The following ZNF398 variants were observed in gnomAD, a reference collection of about 807,000 sequenced individuals.
The protein encoded by ZNF398 is zinc finger DNA binding protein ZER6.
Under a neutral mutation model 41.9 loss-of-function variants are expected in ZNF398, and 18 were observed. The ratio of observed to expected loss-of-function variants is 0.43; its 90% CI spans 0.30 to 0.64. ZNF398 has a LOEUF of 0.64. Among genes scored for constraint, ZNF398 ranks in the 30% least tolerant of loss-of-function variants. ZNF398 has a pLI of 0.14. For missense variants in ZNF398, 669 were observed against 822.8 expected (o/e 0.81, Z 2.29); for synonymous variants, 260 against 308.8 (o/e 0.84, Z 1.66).
At chr7:149,145,311 C>G (rs34201592), upstream of ZNF398, among the ~76,000 whole-genome samples, 88,537 of 152,022 alleles carry the variant, frequency 0.58, 27,386 homozygotes, top group East Asian at 0.9. Flanking sequence ...CAACAGGGTT[C>G]ACAAAAATTG....
At position 149,179,774 on chromosome 7, in the gene ZNF398, G is replaced by A; in HGVS notation, c.1902G>A (p.Gly634=). ...TEGLETNQWY[G]EGSGGGVL is the part of the protein sequence containing the mutation. The stretch of plus-strand genomic sequence containing the variant: ...GTCTAGAGACCAACCAGTGGTATGG[G>A]GAAGGGAGTGGAGGGGGAGTTTTGT... Residue 634 remains glycine (G), a synonymous_variant, in exon 6 of 6, where the codon GGG becomes GGA. Transcript: ENST00000475153. This position sits in a 1 kb window ranked among gnomAD's most constrained non-coding sequence, Gnocchi z 6.1. 2 of 1,594,120 alleles carry A rather than the reference G, an allele frequency of 1.3e-6. No homozygotes were observed. The highest frequency in any genetic ancestry group is 2.7e-5 in the African/African-American group (2 of 74,588).
chr7:149,170,649 T>C (rs1283530650), intron 4 of ZNF398, among the ~76,000 whole-genome samples: 1 of 151,730 alleles, frequency 6.6e-6, no homozygotes, highest in African/African-American at 2.4e-5. Context: ...GCAGGAGAAT[T>C]GCTTGAACCC....
chr7:149,142,346 G>A (rs987079677), intron 2 of ZNF398, among the ~76,000 whole-genome samples: 5 of 152,122 alleles, frequency 3.3e-5, no homozygotes, highest in Non-Finnish European at 7.3e-5. Flanking sequence ...ATCTGTATAT[G>A]TACCAGATAC....
chr7:149,143,748 G>C (rs756035361), upstream of ZNF398, among the ~76,000 whole-genome samples: 8 of 152,106 alleles, frequency 5.3e-5, no homozygotes, highest in Non-Finnish European at 7.3e-5. Flanking sequence ...GGAGGCAGAG[G>C]TTCCAGTGAG....
At chr7:149,159,963 T>C (rs1402041921) in intron 2 of ZNF398, among the ~76,000 whole-genome samples, 1 of 152,058 alleles carries the variant, frequency 6.6e-6, no homozygotes, top group Non-Finnish European at 1.5e-5. Context: ...TGACCTCAAG[T>C]GATCCTTCTT....
chr7:149,136,330 C>T (rs138565837), intron 2 of ZNF398, among the ~76,000 whole-genome samples: 126 of 151,952 alleles, frequency 8.3e-4, no homozygotes, highest in Non-Finnish European at 1.5e-3. Context: ...CGAGCAGAGG[C>T]ACTCCTCACT....
upstream of ZNF398, among the ~76,000 whole-genome samples, chr7:149,145,156 A>G (rs1056373147): frequency 6.6e-6 from 1 of 152,174 alleles, no homozygotes; most frequent in African/African-American, 2.4e-5. Flanking sequence ...TGATTTACAG[A>G]TAGTTATACT....
chr7:149,152,989 T>C (rs936599090), intron 1 of ZNF398, among the ~76,000 whole-genome samples: 1 of 151,550 alleles, frequency 6.6e-6, no homozygotes, highest in Admixed American at 6.6e-5. Flanking sequence ...GCCTCCCGAG[T>C]AGCTGGTGTT....
At chr7:149,147,331 T>TGG (rs147377556), upstream of ZNF398, 16 of 152,230 alleles carry the variant, frequency 1.1e-4, no homozygotes, top group African/African-American at 3.6e-4. This position sits in a 1 kb window ranked among gnomAD's most constrained non-coding sequence, Gnocchi z 5.6. Context: ...GCCCAAGAGC[T>TGG]GGGGGGGAGG....
intron 2 of ZNF398, among the ~76,000 whole-genome samples, chr7:149,133,045 T>A (rs1463862039): frequency 6.6e-6 from 1 of 152,008 alleles, no homozygotes; most frequent in Non-Finnish European, 1.5e-5. Context: ...CAACCAGAGG[T>A]CACTCTGATT....
chr7:149,168,558 C>T (rs1047760078), intron 4 of ZNF398, among the ~76,000 whole-genome samples: 1 of 147,928 alleles, frequency 6.8e-6, no homozygotes, highest in African/African-American at 2.6e-5. Context: ...ACACATCTGC[C>T]TCACATTTAT....
At chr7:149,177,828 A>G (rs1795493207) in intron 5 of ZNF398, among the ~76,000 whole-genome samples, 1 of 152,204 alleles carries the variant, frequency 6.6e-6, no homozygotes, top group Non-Finnish European at 1.5e-5. Context: ...TTCTTAACAG[A>G]TAGCATAGAA....
intron 5 of ZNF398, among the ~76,000 whole-genome samples, chr7:149,176,867 G>A (rs186374845): frequency 6.6e-5 from 10 of 152,290 alleles, no homozygotes; most frequent in South Asian, 2.1e-4. Flanking sequence ...GACAGAAGAC[G>A]ATTTGAAAAT....
chr7:149,165,479 T>G (rs1795208228), intron 2 of ZNF398, among the ~76,000 whole-genome samples: 1 of 152,148 alleles, frequency 6.6e-6, no homozygotes, highest in Non-Finnish European at 1.5e-5. Flanking sequence ...GTGTAAATCT[T>G]GGAGGCAGGT....
At chr7:149,173,423 T>C (rs1036555673) in intron 4 of ZNF398, among the ~76,000 whole-genome samples, 9 of 152,086 alleles carry the variant, frequency 5.9e-5, no homozygotes, top group South Asian at 2.1e-4. Flanking sequence ...TGTTTATTTA[T>C]TTTTTTGAGA....
At chr7:149,142,579 A>G (rs549920199), upstream of ZNF398, among the ~76,000 whole-genome samples, 8 of 152,364 alleles carry the variant, frequency 5.3e-5, no homozygotes, top group African/African-American at 1.9e-4. Context: ...AGGCAGGAGA[A>G]TGGCGTGAAG....
At chr7:149,130,607 G>A (rs1013148057) in intron 2 of ZNF398, among the ~76,000 whole-genome samples, 3 of 152,132 alleles carry the variant, frequency 2.0e-5, no homozygotes, top group South Asian at 2.1e-4. Context: ...ACGCATGAGA[G>A]TTCAGTTGGC....
chr7:149,164,111 TA>T (rs1390878400), intron 2 of ZNF398, among the ~76,000 whole-genome samples: 1 of 99,412 alleles, frequency 1.0e-5, no homozygotes, highest in African/African-American at 3.9e-5. Flanking sequence ...GACTCCATCT[TA>T]AAAAAAGAAA....
At chr7:149,174,886 C>T (rs748990056) in intron 4 of ZNF398, among the ~76,000 whole-genome samples, 2 of 152,034 alleles carry the variant, frequency 1.3e-5, no homozygotes, top group Non-Finnish European at 2.9e-5. Context: ...CTCTGGATAT[C>T]GGTTCAGAGG....
Sources: allele counts gnomAD v4.1 joint callset (sites outside exome capture counted in the v4.1 genomes callset), GRCh38; gene constraint gnomAD v4.1.1; non-coding constraint Gnocchi (gnomAD v3.1); transcripts MANE v1.5; gene names NCBI Gene and HGNC (gene_info 2026-07-23, HGNC 2026-07-21).